The following AOAH variants were observed in gnomAD, a reference collection of about 807,000 sequenced individuals.
The protein encoded by AOAH is acyloxyacyl hydrolase (neutrophil).
Under a neutral mutation model 92.2 loss-of-function variants are expected in AOAH, and 64 were observed. The observed-to-expected ratio is 0.69, with a 90% CI of 0.57 to 0.86. AOAH has a LOEUF of 0.86. Among genes scored for constraint, AOAH ranks in the 40% least tolerant of loss-of-function variants. The pLI is 0.00. For synonymous variants in AOAH, 263 were observed against 254.5 expected (o/e 1.03, Z -0.32); for missense variants, 656 against 694.6 (o/e 0.94, Z 0.62).
intron 1 of AOAH, among the ~76,000 whole-genome samples, chr7:36,710,984 C>T (rs1488431051): frequency 6.6e-6 from 1 of 152,118 alleles, no homozygotes; most frequent in Non-Finnish European, 1.5e-5. Context: ...GAGGGTGAAG[C>T]TATGCCCCCA....
intron 5 of AOAH, among the ~76,000 whole-genome samples, chr7:36,636,665 T>C (rs1157957262): frequency 6.6e-6 from 1 of 152,244 alleles, no homozygotes; most frequent in Non-Finnish European, 1.5e-5. Flanking sequence ...TATGTAGAAA[T>C]GCCTACATAT....
At position 36,685,194 on chromosome 7, in the gene AOAH, A is replaced by G. The variant is rs78007599; in HGVS notation, c.223+1505T>C. 6.3e-3 allele frequency among the ~76,000 whole-genome samples: 962 copies of G among 152,274 alleles called. 10 individuals carry two copies. The highest frequency in any genetic ancestry group is 0.022 in the African/African-American group (931 of 41,552). On this transcript the variant is annotated intron_variant, in intron 2 of 20. Transcript: ENST00000617537. ...GAAACTCTACAGGTCAAATTCCACA[A>G]CTAAGTGATAAGAAAAAGGAAGGGG...
chr7:36,632,796 C>T (rs1793223201), intron 5 of AOAH, among the ~76,000 whole-genome samples: 3 of 152,226 alleles, frequency 2.0e-5, no homozygotes, highest in Admixed American at 2.0e-4. Context: ...AGCCCTGAGT[C>T]CTTCGAATGG....
chr7:36,589,884 T>C (rs116803865), intron 12 of AOAH, among the ~76,000 whole-genome samples: 280 of 152,310 alleles, frequency 1.8e-3, no homozygotes, highest in African/African-American at 6.3e-3. Context: ...GTTATATGAA[T>C]TGCTTTGGAA....
chr7:36,712,405 A>T (rs556115774), intron 1 of AOAH, among the ~76,000 whole-genome samples: 2 of 152,314 alleles, frequency 1.3e-5, no homozygotes, highest in African/African-American at 4.8e-5. Context: ...TAGTGCTTTT[A>T]AAAAAACGAA....
rs58514798 is a variant in AOAH at position 36,671,091 on chromosome 7, T to G, written c.290+2852A>C. On this transcript the variant is annotated intron_variant, in intron 3 of 20. Coordinates refer to ENST00000617537, the MANE Select transcript of AOAH (RefSeq NM_001637.4). Reference sequence around the variant, plus strand: ...AGCTTGCTGATCTGGTTCCCTGATCTAGGCTCCTACTAGGTGTATAAATAG... The same window carrying G: ...AGCTTGCTGATCTGGTTCCCTGATCGAGGCTCCTACTAGGTGTATAAATAG... Among the ~76,000 whole-genome samples the G allele has an allele frequency of 5.3e-3, 806 of 152,336 alleles. 7 individuals are homozygous for G. Among genetic ancestry groups the G allele is most frequent in the African/African-American group, 0.019 (771 of 41,576 alleles).
chr7:36,635,440 G>A (rs937576830), intron 5 of AOAH, among the ~76,000 whole-genome samples: 32 of 152,182 alleles, frequency 2.1e-4, no homozygotes, highest in African/African-American at 5.1e-4. Context: ...ACACAGCCAG[G>A]CTGAAACTGA....
At chr7:36,616,498 T>A (rs750833586) in intron 10 of AOAH, 24 bp from the exon 11 acceptor site, 1 of 1,599,444 alleles carries the variant, frequency 6.3e-7, no homozygotes, top group East Asian at 2.2e-5. Context: ...TTTATTCACA[T>A]TATTTATGCA....
chr7:36,693,434 T>C lies in AOAH; in HGVS notation c.128-6640A>G, dbSNP rs58456693. ...TTATTTCACACTGATTAATTTTGCATTGATAATTCCTCTTCTTGAATTGAA... is the reference window on the plus strand; with the variant it reads ...TTATTTCACACTGATTAATTTTGCACTGATAATTCCTCTTCTTGAATTGAA... On this transcript the variant is annotated intron_variant, in intron 1 of 20. Transcript: ENST00000617537. 3.4e-3 allele frequency among the ~76,000 whole-genome samples: 518 copies of C among 152,292 alleles called. 1 individual carries two copies. The highest frequency in any genetic ancestry group is 0.012 in the African/African-American group (492 of 41,554).
At chr7:36,624,225 A>G (rs577193276) in intron 6 of AOAH, among the ~76,000 whole-genome samples, 2 of 152,340 alleles carry the variant, frequency 1.3e-5, no homozygotes, top group East Asian at 1.9e-4. Flanking sequence ...TTTGTTCAAG[A>G]TGCCAAGAAC....
At chr7:36,700,070 T>A (rs1006723012) in intron 1 of AOAH, among the ~76,000 whole-genome samples, 1 of 152,124 alleles carries the variant, frequency 6.6e-6, no homozygotes, top group African/African-American at 2.4e-5. Context: ...CCCGGTTGTA[T>A]GTTCCCGGTG....
At chr7:36,606,048 T>C (rs543053346) in intron 11 of AOAH, among the ~76,000 whole-genome samples, 139 of 152,336 alleles carry the variant, frequency 9.1e-4, no homozygotes, top group Non-Finnish European at 1.4e-3. Context: ...CAATAGCTTT[T>C]CTTCATCTTA....
At chr7:36,584,512 C>G (rs1444853893) in intron 12 of AOAH, among the ~76,000 whole-genome samples, 1 of 151,794 alleles carries the variant, frequency 6.6e-6, no homozygotes, top group Non-Finnish European at 1.5e-5. Flanking sequence ...TAGCAAATCT[C>G]TTTATTTCAT....
At chr7:36,570,072 A>G (rs182372882) in intron 13 of AOAH, among the ~76,000 whole-genome samples, 5 of 152,298 alleles carry the variant, frequency 3.3e-5, no homozygotes, top group Admixed American at 1.3e-4. Context: ...ATACAGTACT[A>G]TCATCTCTAG....
intron 11 of AOAH, among the ~76,000 whole-genome samples, chr7:36,608,469 C>T (rs1318972416): frequency 6.6e-6 from 1 of 152,232 alleles, no homozygotes; most frequent in African/African-American, 2.4e-5. Flanking sequence ...CACATTGTCT[C>T]AGGCCTTAGC....
At chr7:36,671,077 C>G (rs1456518367) in intron 3 of AOAH, among the ~76,000 whole-genome samples, 1 of 152,188 alleles carries the variant, frequency 6.6e-6, no homozygotes, top group Non-Finnish European at 1.5e-5. Flanking sequence ...GCTTGCTGAT[C>G]TGGTTCCCTG....
chr7:36,609,581 G>A (rs1791277334), intron 11 of AOAH, among the ~76,000 whole-genome samples: 1 of 152,086 alleles, frequency 6.6e-6, no homozygotes, highest in Admixed American at 6.5e-5. Flanking sequence ...TCCTCTGCTA[G>A]GGCACGCCTT....
intron 13 of AOAH, among the ~76,000 whole-genome samples, chr7:36,565,462 T>C (rs1386795304): frequency 1.3e-5 from 2 of 152,216 alleles, no homozygotes; most frequent in Non-Finnish European, 2.9e-5. Context: ...TTTGAAATGA[T>C]TTCCAAAAAG....
intron 1 of AOAH, among the ~76,000 whole-genome samples, chr7:36,699,305 C>T (rs577508330): frequency 6.6e-6 from 1 of 152,196 alleles, no homozygotes; most frequent in African/African-American, 2.4e-5. Flanking sequence ...GATTTTCTTT[C>T]TTTCCAATAT....
Sources: gnomAD v4.1 joint callset for allele counts (sites outside exome capture counted in the v4.1 genomes callset) on GRCh38, gnomAD v4.1.1 for gene constraint, MANE v1.5 for transcripts, NCBI Gene and HGNC (gene_info 2026-07-23, HGNC 2026-07-21) for gene names.